Variants in PRKG1 observed in about 807,000 individuals in gnomAD.
PRKG1 encodes the protein cGMP-dependent protein kinase 1.
In PRKG1, 35 loss-of-function variants were observed where a neutral mutation model predicts 88.1. The ratio of observed to expected loss-of-function variants is 0.40; its 90% CI spans 0.30 to 0.53. The LOEUF is 0.53. Among genes scored for constraint, PRKG1 ranks in the 20% least tolerant of loss-of-function variants. The pLI is 0.59. For missense variants in PRKG1, 540 were observed against 839.8 expected, an observed-to-expected ratio of 0.64 and a Z score of 4.41; for synonymous variants, 303 against 292.5, an observed-to-expected ratio of 1.04 and a Z score of -0.37.
At chr10:51,117,394 G>A (rs1471495819) in intron 1 of PRKG1, among the ~76,000 whole-genome samples, 2 of 152,210 alleles carry the variant, frequency 1.3e-5, no homozygotes, top group Non-Finnish European at 2.9e-5. Context: ...TTGTCAAGCT[G>A]TATTTTTTCA....
intron 2 of PRKG1, among the ~76,000 whole-genome samples, chr10:51,189,473 G>T (rs1452984763): frequency 6.6e-6 from 1 of 151,802 alleles, no homozygotes; most frequent in Non-Finnish European, 1.5e-5. Context: ...CAAATAAGGT[G>T]GTGGAGAATA....
rs192880321 is a variant in PRKG1, at chr10:51,049,809, T to C, written c.266+58165T>C. ...TTTGTGTATTGTCCATTTCAATATA[T>C]TTAAGGTTTTATTTTGTAATAATTC... On this transcript the variant is annotated intron_variant, in intron 1 of 17. Coordinates refer to the PRKG1 transcript ENST00000401604. Among the ~76,000 whole-genome samples the C allele has an allele frequency of 1.4e-4, 22 of 152,316 alleles. No homozygotes were observed. In the East Asian group the frequency reaches 3.7e-3, roughly 25 times the overall value.
chr10:52,095,568 C>T (rs766164793), intron 7 of PRKG1, among the ~76,000 whole-genome samples: 24 of 152,064 alleles, frequency 1.6e-4, no homozygotes, highest in Non-Finnish European at 2.5e-4. Context: ...ATTGTTAGGT[C>T]CCAAATTTCT....
intron 4 of PRKG1, among the ~76,000 whole-genome samples, chr10:51,897,627 C>T (rs1383932334): frequency 6.6e-6 from 1 of 152,124 alleles, no homozygotes; most frequent in Non-Finnish European, 1.5e-5. Context: ...TTATTGGTTC[C>T]TTTCAACCAC....
intron 2 of PRKG1, among the ~76,000 whole-genome samples, chr10:51,391,865 C>T (rs1837413928): frequency 6.6e-6 from 1 of 152,212 alleles, no homozygotes; most frequent in Non-Finnish European, 1.5e-5. Context: ...TGTTCTGAAT[C>T]ACTGTGAACT....
chr10:51,341,678 A>C (rs1243765107), intron 2 of PRKG1, among the ~76,000 whole-genome samples: 1 of 152,212 alleles, frequency 6.6e-6, no homozygotes, highest in Non-Finnish European at 1.5e-5. Context: ...ATAGTGACTT[A>C]AAGGAACAAG....
At chr10:51,500,021 A>T (rs1303318378) in intron 3 of PRKG1, among the ~76,000 whole-genome samples, 1 of 152,190 alleles carries the variant, frequency 6.6e-6, no homozygotes, top group Non-Finnish European at 1.5e-5. Flanking sequence ...TCTTGGGCAC[A>T]TGGAAGATCT....
chr10:52,271,480 T>C lies in PRKG1; in HGVS notation c.1304T>C (p.Phe435Ser), dbSNP rs1317408949. The C allele has an allele frequency of 1.2e-5, 19 of 1,612,340 alleles. No homozygotes were observed. The highest frequency in any genetic ancestry group is 1.5e-5 in the Non-Finnish European group (18 of 1,178,992). ...KQIMQGAHSD[F>S]IVRLYRTFKD... Reference sequence around the variant, plus strand: ...ATCATGCAGGGGGCTCATTCCGATTTCATAGTGAGGTAAAGGCTCCATGCC... The same window carrying C: ...ATCATGCAGGGGGCTCATTCCGATTCCATAGTGAGGTAAAGGCTCCATGCC... Residue 435 changes from phenylalanine to serine, a missense_variant, in exon 11 of 18, where the codon TTC becomes TCC. By Grantham distance (155) the Phe-to-Ser change is radical. Coordinates refer to ENST00000373980, the MANE Select transcript of PRKG1 (RefSeq NM_006258.4).
intron 2 of PRKG1, among the ~76,000 whole-genome samples, chr10:51,238,207 A>T (rs566568091): frequency 5.3e-5 from 8 of 152,166 alleles, no homozygotes; most frequent in Non-Finnish European, 1.2e-4. Flanking sequence ...TAGTAGAATA[A>T]ACAGAATCAT....
intron 10 of PRKG1, chr10:52,252,019 T>C (rs1841184220): frequency 6.1e-6 from 1 of 164,574 alleles, no homozygotes; most frequent in Middle Eastern, 3.0e-3. Flanking sequence ...CTAACAATTA[T>C]GCACCCTAAC....
chr10:52,095,092 C>A (rs1056807765), intron 7 of PRKG1, among the ~76,000 whole-genome samples: 1 of 152,176 alleles, frequency 6.6e-6, no homozygotes, highest in East Asian at 1.9e-4. Flanking sequence ...ACACTATCTG[C>A]ACCTCTGCCC....
At chr10:52,158,602 A>G (rs1312589821) in intron 8 of PRKG1, among the ~76,000 whole-genome samples, 1 of 151,666 alleles carries the variant, frequency 6.6e-6, no homozygotes, top group Non-Finnish European at 1.5e-5. Context: ...TTGGAACTTA[A>G]TAATATTACT....
chr10:52,148,985 G>GTTTTTTTTTTTTTTTTTTT (rs1837819341), intron 8 of PRKG1, among the ~76,000 whole-genome samples: 1 of 74,692 alleles, frequency 1.3e-5, no homozygotes, highest in African/African-American at 6.7e-5. Flanking sequence ...TTTTTTTTTA[G>GTTTTTTTTTTTTTTTTTTT]GTTTGGAAAG....
At chr10:51,554,923 G>C (rs752667904) in intron 3 of PRKG1, among the ~76,000 whole-genome samples, 10 of 151,678 alleles carry the variant, frequency 6.6e-5, no homozygotes, top group Non-Finnish European at 1.5e-4. Flanking sequence ...AACTGTTAAG[G>C]GCAGTGTAAA....
At chr10:52,170,749 A>G (rs986895643) in intron 9 of PRKG1, among the ~76,000 whole-genome samples, 6 of 152,180 alleles carry the variant, frequency 3.9e-5, no homozygotes, top group Non-Finnish European at 8.8e-5. Flanking sequence ...TATTTTCAGG[A>G]TTACTTTTGG....
In PRKG1 at chr10:52,122,836, C is replaced by T. The variant is rs117308749; in HGVS notation, c.936-11004C>T. Among the ~76,000 whole-genome samples, 897 of 152,184 alleles carry T rather than the reference C, an allele frequency of 5.9e-3. 5 individuals are homozygous for T. Among genetic ancestry groups the T allele is most frequent in the Non-Finnish European group, 8.8e-3 (596 of 67,990 alleles). On this transcript the variant is annotated intron_variant, in intron 7 of 17. Transcript: ENST00000373980. ...TAGAAAGAACAAAAGCCACCAGTCA[C>T]GTTTTAACATTTAGGGGAATGAATT... is the stretch of plus-strand genomic sequence containing the variant.
At chr10:51,242,150 T>G (rs994830843) in intron 2 of PRKG1, among the ~76,000 whole-genome samples, 6 of 152,068 alleles carry the variant, frequency 3.9e-5, no homozygotes, top group Admixed American at 2.0e-4. Context: ...AATTCTCTAA[T>G]GAGCACATAC....
At chr10:51,220,164 A>G (rs1838490078) in intron 2 of PRKG1, among the ~76,000 whole-genome samples, 1 of 152,064 alleles carries the variant, frequency 6.6e-6, no homozygotes, top group Admixed American at 6.5e-5. Context: ...AACCTTACAG[A>G]GTTTGGAGAG....
chr10:51,791,314 C>T (rs1390203170), intron 3 of PRKG1, among the ~76,000 whole-genome samples: 2 of 152,102 alleles, frequency 1.3e-5, no homozygotes, highest in African/African-American at 4.8e-5. Context: ...GTTCTTGGCA[C>T]ATAGTAAGGT....
Sources: allele counts gnomAD v4.1 joint callset (sites outside exome capture counted in the v4.1 genomes callset), GRCh38; gene constraint gnomAD v4.1.1; transcripts MANE v1.5; gene names NCBI Gene and HGNC (gene_info 2026-07-23, HGNC 2026-07-21).